Variants in BTNL9 observed in about 807,000 individuals in gnomAD.
The protein encoded by BTNL9 is butyrophilin like 9.
Under a neutral mutation model 45.8 loss-of-function variants are expected in BTNL9, and 45 were observed. That is an observed-to-expected ratio of 0.98 (90% CI 0.77 to 1.26). The LOEUF (loss-of-function observed/expected upper bound fraction) is 1.26, where lower values mean the gene tolerates loss of function less well. BTNL9 is among the 50% of genes most tolerant of loss of function. The pLI is 0.00. For synonymous variants in BTNL9, 346 were observed against 330.8 expected (o/e 1.05, Z -0.50); for missense variants, 784 against 729.7 (o/e 1.07, Z -0.86).
At chr5:181,043,216 ATCTGTGTGTGTGTCTATGTGTGTG>A (rs150770371) in intron 1 of BTNL9, among the ~76,000 whole-genome samples, 76,824 of 147,104 alleles carry the variant, frequency 0.52, 19,757 homozygotes, top group African/African-American at 0.56. Flanking sequence ...GTGTGTGTGC[ATCTGTGTGTGTGTCTATGTGTGTG>A]TCTGTGTGTG....
Position 181,053,906 on chromosome 5 carries a change from C to G in BTNL9, c.887-333C>G, listed in dbSNP as rs1420511548. 2 of 1,508,400 alleles carry G rather than the reference C, an allele frequency of 1.3e-6. No homozygotes were observed. Among genetic ancestry groups the G allele is most frequent in the Admixed American group, 2.0e-5 (1 of 50,010 alleles). The allele number at this position is 1,508,400 out of a possible 1,614,324, so 93.4% of individuals were successfully genotyped here. On this transcript the variant is annotated intron_variant, in intron 6 of 10. Coordinates refer to ENST00000327705, the MANE Select transcript of BTNL9 (RefSeq NM_152547.5). This position sits in a 1 kb window ranked among gnomAD's most constrained non-coding sequence, Gnocchi z 6.5. ...GGGTCAGGAAGCGGCGGTCAGGCAC[C>G]GAGAAAACAGCCCAGTTACGTGAGG...
At chr5:181,058,222 C>G in intron 9 of BTNL9, 130 bp from the exon 10 acceptor site, 2 of 1,110,834 alleles carry the variant, frequency 1.8e-6, no homozygotes, top group Non-Finnish European at 2.7e-6. Flanking sequence ...TGGATTCAAA[C>G]CAGTTGTCAC....
rs1325499561 is a variant in BTNL9, at chr5:181,059,897, G to GA, written c.*35_*36insA. On this transcript the variant is annotated 3_prime_UTR_variant, in exon 11 of 11. Transcript: ENST00000327705. Reference sequence around the variant, plus strand: ...GTGGCCGCGGGACTGGCCCCGGGGGGCCCCCTGGATCCCAGGCCAGCGCTT... The same window carrying GA: ...GTGGCCGCGGGACTGGCCCCGGGGGGACCCCCTGGATCCCAGGCCAGCGCTT... 1.3e-6 allele frequency: 2 copies of GA among 1,489,922 alleles called. No individual in the cohort carries two copies. The highest frequency in any genetic ancestry group is 8.9e-7 in the Non-Finnish European group (1 of 1,120,234). The allele number at this position is 1,489,922 out of a possible 1,614,324, so 92.3% of individuals were successfully genotyped here. A position where few individuals can be genotyped will look rare whatever the true frequency, so the allele number is the denominator to read the frequency against.
chr5:181,046,839 C>A (rs769197878), intron 2 of BTNL9, among the ~76,000 whole-genome samples: 1 of 152,092 alleles, frequency 6.6e-6, no homozygotes, highest in South Asian at 2.1e-4. Context: ...ACAGGATGCA[C>A]GTTCCCCAGG....
chr5:181,056,502 C>T (rs545928230), intron 9 of BTNL9: 18 of 714,462 alleles, frequency 2.5e-5, no homozygotes, highest in East Asian at 8.1e-5. Flanking sequence ...CGCTGCCACT[C>T]GTGTGCATTC....
chr5:181,043,894 C>G (rs930199596), intron 1 of BTNL9, among the ~76,000 whole-genome samples: 1 of 152,228 alleles, frequency 6.6e-6, no homozygotes, highest in Non-Finnish European at 1.5e-5. Flanking sequence ...AGGGCCTGGA[C>G]CCTGCCCGAG....
intron 3 of BTNL9, 53 bp downstream of exon 3, chr5:181,048,324 G>A: frequency 6.8e-7 from 1 of 1,474,678 alleles, no homozygotes; most frequent in South Asian, 1.2e-5. Context: ...CAGGTGCTTT[G>A]CCAAGTAGAG....
intron 1 of BTNL9, among the ~76,000 whole-genome samples, 169 bp downstream of exon 1, chr5:181,040,601 C>T (rs769040160): frequency 1.5e-4 from 23 of 152,232 alleles, no homozygotes; most frequent in African/African-American, 4.6e-4. Context: ...GAGATGTCCA[C>T]GCCCGTTTAG....
chr5:181,059,389 T>C lies in BTNL9; in HGVS notation c.1135T>C (p.Phe379Leu). 1 of 1,526,060 alleles carries C rather than the reference T, an allele frequency of 6.6e-7. No individual in the cohort carries two copies. 94.5% of individuals were successfully genotyped at this position (1,526,060 alleles called of 1,614,324 possible). The change falls in exon 11 of 11, where the codon TTC becomes CTC. Residue 379 changes from phenylalanine to leucine, a missense_variant. By Grantham distance (22) the Phe-to-Leu change is conservative. Coordinates refer to ENST00000327705, the MANE Select transcript of BTNL9 (RefSeq NM_152547.5). ...GACGTGCGCGCTGAGCCTGGAGCGG[T>C]TCTCCGCCGGCCGCCACTACTGGGA... ...EQTCALSLERFSAGRHYWEVH... is the reference protein window; with the variant it reads ...EQTCALSLERLSAGRHYWEVH...
chr5:181,049,537 C>T (rs114690285), intron 3 of BTNL9, among the ~76,000 whole-genome samples: 2,024 of 152,286 alleles, frequency 0.013, 49 homozygotes, highest in African/African-American at 0.046. Context: ...AAACTAGAAG[C>T]TGATGAGATT....
At position 181,042,506 on chromosome 5, in the gene BTNL9, G is replaced by A. The variant is rs981675945; in HGVS notation, c.-24+2074G>A. ...CCCTGGATCCTTAACTGAAGAGTGA[G>A]GTCAGAAAGGGCGGACGCACAGCAG... is the stretch of plus-strand genomic sequence containing the variant. On this transcript the variant is annotated intron_variant, in intron 1 of 10. Transcript: ENST00000327705. The surrounding 1 kb of genome is among the most constrained non-coding windows in gnomAD (Gnocchi z 4.5). 6.6e-6 allele frequency among the ~76,000 whole-genome samples: 1 copy of A among 152,194 alleles called. No individual in the cohort carries two copies. The highest frequency in any genetic ancestry group is 1.5e-5 in the Non-Finnish European group (1 of 68,034).
intron 9 of BTNL9, chr5:181,056,500 C>A: frequency 1.4e-6 from 1 of 714,050 alleles, no homozygotes; most frequent in Non-Finnish European, 2.6e-6. Flanking sequence ...ATCGCTGCCA[C>A]TCGTGTGCAT....
Position 181,055,094 on chromosome 5 carries a change from CA to C in BTNL9, c.908-338del. On this transcript the variant is annotated intron_variant, in intron 7 of 10. Transcript: ENST00000327705. This position sits in a 1 kb window ranked among gnomAD's most constrained non-coding sequence, Gnocchi z 4.4. The stretch of plus-strand genomic sequence containing the variant: ...TCACGTAGGCGGCCCTCAGTGCCTG[CA>C]CTTAGGCGGGAGCTCCGCCCCAGGA... 1 of 1,124,490 alleles carries C rather than the reference CA, an allele frequency of 8.9e-7. No homozygotes were observed. Among genetic ancestry groups the C allele is most frequent in the Middle Eastern group, 3.9e-4 (1 of 2,588 alleles). The allele number at this position is 1,124,490 out of a possible 1,614,324, so 69.7% of individuals were successfully genotyped here.
chr5:181,050,003 C>T lies in BTNL9; in HGVS notation c.455-85C>T, dbSNP rs1278003654. Reference sequence around the variant, plus strand: ...CACACTTCATGATGCTTTATGGTGACTGCAAATGCTGAACAGTGGCAGGAA... The same window carrying T: ...CACACTTCATGATGCTTTATGGTGATTGCAAATGCTGAACAGTGGCAGGAA... On this transcript the variant is annotated intron_variant, in intron 3 of 10. Coordinates refer to ENST00000327705, the MANE Select transcript of BTNL9 (RefSeq NM_152547.5). This position sits in a 1 kb window ranked among gnomAD's most constrained non-coding sequence, Gnocchi z 4.9. 1 of 1,496,942 alleles carries T rather than the reference C, an allele frequency of 6.7e-7. No individual in the cohort carries two copies. Among genetic ancestry groups the T allele is most frequent in the Admixed American group, 1.9e-5 (1 of 52,220 alleles). The allele number at this position is 1,496,942 out of a possible 1,614,324, so 92.7% of individuals were successfully genotyped here.
In BTNL9 at chr5:181,056,004, A is replaced by C. The variant is rs1221999892; in HGVS notation, c.944A>C (p.Glu315Ala). The C allele has an allele frequency of 2.5e-6, 4 of 1,614,164 alleles. No individual in the cohort carries two copies. Among genetic ancestry groups the C allele is most frequent in the Non-Finnish European group, 3.4e-6 (4 of 1,180,022 alleles). Residue 315 changes from glutamate (E) to alanine (A), a missense_variant, in exon 9 of 11, where the codon GAA becomes GCA. Transcript: ENST00000327705. The stretch of plus-strand genomic sequence containing the variant: ...GTTGCTTCAGACTGGAGACGGGCTG[A>C]AGGCCAGGCTGGTGAGTGGAACCCA... ...LQTELDWRRA[E>A]GQAEWRAAQK...
chr5:181,058,417 GC>G, intron 10 of BTNL9, 39 bp downstream of exon 10: 2 of 1,614,010 alleles, frequency 1.2e-6, no homozygotes, highest in Non-Finnish European at 1.7e-6. Flanking sequence ...TTTTGGTTTG[GC>G]CGGATCTTAA....
chr5:181,048,009 G>C lies in BTNL9; in HGVS notation c.192G>C (p.Gln64His). ...EVEFPCHLWP[Q>H]LDAQQMEIRW... ...AGTTCCCGTGCCACCTATGGCCACA[G>C]CTGGATGCCCAGCAAATGGAGATCC... The change falls in exon 3 of 11, where the codon CAG (glutamine) becomes CAC (histidine). Residue 64 changes from glutamine (Q) to histidine (H), a missense_variant. By Grantham distance (24) the Gln-to-His change is conservative (BLOSUM62 0). Transcript: ENST00000327705. 1.2e-6 allele frequency: 2 copies of C among 1,613,852 alleles called. No homozygotes were observed. The highest frequency in any genetic ancestry group is 8.5e-7 in the Non-Finnish European group (1 of 1,180,018).
rs981409606 is a variant in BTNL9 at position 181,053,595 on chromosome 5, C to T, written c.886+94C>T. ...TGGGTCCCGTTACGAGGGTTTATTC[C>T]AGCGCGAGGTGTCAGGGCGGCCACC... On this transcript the variant is annotated intron_variant, in intron 6 of 10. Coordinates refer to ENST00000327705, the MANE Select transcript of BTNL9 (RefSeq NM_152547.5). The surrounding 1 kb of genome is among the most constrained non-coding windows in gnomAD (Gnocchi z 6.5). 8 of 1,549,512 alleles carry T rather than the reference C, an allele frequency of 5.2e-6. No individual in the cohort carries two copies. Among genetic ancestry groups the T allele is most frequent in the South Asian group, 1.2e-5 (1 of 83,978 alleles).
At position 181,055,853 on chromosome 5, in the gene BTNL9, G is replaced by A; in HGVS notation, c.929-136G>A. On this transcript the variant is annotated intron_variant, in intron 8 of 10. Coordinates refer to ENST00000327705, the MANE Select transcript of BTNL9 (RefSeq NM_152547.5). This position sits in a 1 kb window ranked among gnomAD's most constrained non-coding sequence, Gnocchi z 4.4. ...TTCTTCTCATCTCCCAACCAGGTAT[G>A]ATGCCCAGGCAGGACCCCTGCTGGC... 2 of 965,054 alleles carry A rather than the reference G, an allele frequency of 2.1e-6. No homozygotes were observed. The highest frequency in any genetic ancestry group is 3.4e-6 in the Non-Finnish European group (2 of 588,294). The allele number at this position is 965,054 out of a possible 1,614,324, so 59.8% of individuals were successfully genotyped here. A position where few individuals can be genotyped will look rare whatever the true frequency, so the allele number is the denominator to read the frequency against.
Sources: gnomAD v4.1 joint callset for allele counts (sites outside exome capture counted in the v4.1 genomes callset) on GRCh38, gnomAD v4.1.1 for gene constraint, Gnocchi (gnomAD v3.1) non-coding constraint, MANE v1.5 for transcripts, NCBI Gene and HGNC (gene_info 2026-07-23, HGNC 2026-07-21) for gene names.